Variants in EIF4E3 observed in about 807,000 individuals in gnomAD.
The protein encoded by EIF4E3 is eukaryotic translation initiation factor 4E family member 3.
Under a neutral mutation model 31.7 loss-of-function variants are expected in EIF4E3, and 26 were observed. The observed-to-expected ratio is 0.82, with a 90% CI of 0.60 to 1.14. The LOEUF is 1.14. EIF4E3 is among the 50% of genes most tolerant of loss of function. The pLI is 0.00. For synonymous variants in EIF4E3, 128 were observed against 107.7 expected, an observed-to-expected ratio of 1.19 and a Z score of -1.17; for missense variants, 304 against 270.9, an observed-to-expected ratio of 1.12 and a Z score of -0.86.
downstream of EIF4E3, among the ~76,000 whole-genome samples, chr3:71,674,356 C>T (rs1315358552): frequency 6.6e-6 from 1 of 152,000 alleles, no homozygotes; most frequent in Non-Finnish European, 1.5e-5. Context: ...ATCCACCCAG[C>T]TCAGCCTCCC....
intron 1 of EIF4E3, among the ~76,000 whole-genome samples, chr3:71,749,186 C>T (rs535959746): frequency 3.9e-5 from 6 of 152,184 alleles, no homozygotes; most frequent in Non-Finnish European, 5.9e-5. Flanking sequence ...GATATTCAGA[C>T]GTTCAGAGCA....
chr3:71,703,177 C>A lies in EIF4E3; in HGVS notation c.250-3469G>T, dbSNP rs769233500. ...AAAAGTTGAACATCATTCATTCAGT[C>A]AACATCTGTGACCATCAGTTGTGAA... On this transcript the variant is annotated intron_variant, in intron 2 of 6. Transcript: ENST00000425534. Among the ~76,000 whole-genome samples the A allele has an allele frequency of 3.0e-4, 45 of 152,276 alleles. No individual in the cohort carries two copies. In the Middle Eastern group the frequency reaches 0.014, roughly 46 times the overall value.
the EIF4E3 span, among the ~76,000 whole-genome samples, chr3:71,669,695 G>A: frequency 6.6e-6 from 1 of 152,010 alleles, no homozygotes; most frequent in Non-Finnish European, 1.5e-5. Context: ...CTCGGTGAAG[G>A]CCTAAACATG....
At chr3:71,670,447 C>T (rs528021043), downstream of EIF4E3, among the ~76,000 whole-genome samples, 13 of 152,276 alleles carry the variant, frequency 8.5e-5, no homozygotes, top group East Asian at 1.9e-3. Context: ...CCACGGCCCT[C>T]GTCTCAGCCC....
the EIF4E3 span, among the ~76,000 whole-genome samples, chr3:71,669,503 C>G: frequency 6.6e-6 from 1 of 152,138 alleles, no homozygotes; most frequent in Non-Finnish European, 1.5e-5. Flanking sequence ...AGTGTTTTGT[C>G]TGCAACATGT....
At chr3:71,730,335 G>A (rs1191702864), upstream of EIF4E3, among the ~76,000 whole-genome samples, 1 of 152,190 alleles carries the variant, frequency 6.6e-6, no homozygotes, top group Non-Finnish European at 1.5e-5. Context: ...CTCATCTAGG[G>A]TACAGATAAC....
intron 2 of EIF4E3, among the ~76,000 whole-genome samples, chr3:71,703,589 A>T: frequency 6.6e-6 from 1 of 152,178 alleles, no homozygotes; most frequent in East Asian, 1.9e-4. Context: ...CACTGATTGG[A>T]GCAACTATGC....
rs142821051 is a variant in EIF4E3, at chr3:71,686,747, T to G, written c.629-2019A>C. On this transcript the variant is annotated intron_variant, in intron 6 of 6. Coordinates refer to ENST00000425534, the MANE Select transcript of EIF4E3 (RefSeq NM_001134651.2). Reference sequence around the variant, plus strand: ...CAGACTATCCAAAGATCTGTGTTACTTCTAGGTGTGAGGGGCAGTCTGGGG... The same window carrying G: ...CAGACTATCCAAAGATCTGTGTTACGTCTAGGTGTGAGGGGCAGTCTGGGG... 3.0e-3 allele frequency among the ~76,000 whole-genome samples: 454 copies of G among 152,266 alleles called. 1 individual carries two copies. Among genetic ancestry groups the G allele is most frequent in the Non-Finnish European group, 3.8e-3 (257 of 68,014 alleles).
At chr3:71,731,526 G>A (rs1260057603) in intron 1 of EIF4E3, among the ~76,000 whole-genome samples, 1 of 152,192 alleles carries the variant, frequency 6.6e-6, no homozygotes, top group Non-Finnish European at 1.5e-5. Flanking sequence ...GTCCAAGTGG[G>A]GAGGGCCAGG....
intron 1 of EIF4E3, among the ~76,000 whole-genome samples, chr3:71,747,639 A>G (rs2108161400): frequency 6.6e-6 from 1 of 152,072 alleles, no homozygotes; most frequent in African/African-American, 2.4e-5. Context: ...CAATTTATGT[A>G]TTTTTTTCTT....
intron 1 of EIF4E3, among the ~76,000 whole-genome samples, chr3:71,713,057 A>C (rs1289949186): frequency 6.6e-6 from 1 of 152,184 alleles, no homozygotes; most frequent in Non-Finnish European, 1.5e-5. Context: ...AGAATAAAAT[A>C]ACAACTAGGA....
Position 71,678,856 on chromosome 3 carries a change from T to C in EIF4E3, c.*5826A>G, listed in dbSNP as rs1193703240. The C allele has an allele frequency of 1.3e-5, 2 of 152,228 alleles. No individual in the cohort carries two copies. Among genetic ancestry groups the C allele is most frequent in the Non-Finnish European group, 2.9e-5 (2 of 68,038 alleles). The allele number at this position is 152,228 out of a possible 1,614,324, so 9.4% of individuals were successfully genotyped here. ...AAGATTTTAAATTTGGGACAAATAA[T>C]GTTAGCTGTCTCAAGCTAAAGTATG... On this transcript the variant is annotated 3_prime_UTR_variant, in exon 7 of 7. Transcript: ENST00000425534.
the EIF4E3 span, among the ~76,000 whole-genome samples, chr3:71,669,144 G>C: frequency 6.7e-6 from 1 of 148,836 alleles, no homozygotes; most frequent in Non-Finnish European, 1.5e-5. Context: ...ACTAACACAG[G>C]AACAGAAAAC....
intron 1 of EIF4E3, among the ~76,000 whole-genome samples, chr3:71,733,421 T>C (rs2108138893): frequency 6.6e-6 from 1 of 152,378 alleles, no homozygotes; most frequent in South Asian, 2.1e-4. Flanking sequence ...GGGGAACATT[T>C]TGTAAGCCAG....
intron 2 of EIF4E3, among the ~76,000 whole-genome samples, chr3:71,709,476 C>T (rs2049343764): frequency 6.6e-6 from 1 of 152,136 alleles, no homozygotes; most frequent in Non-Finnish European, 1.5e-5. Flanking sequence ...AAATCCTGGG[C>T]TCAAGTGATC....
intron 2 of EIF4E3, among the ~76,000 whole-genome samples, chr3:71,703,902 T>C (rs994939649): frequency 3.5e-4 from 50 of 144,794 alleles, no homozygotes; most frequent in African/African-American, 1.2e-3. Context: ...ACAAAACAAA[T>C]ATTTTTGCTC....
chr3:71,700,018 C>G (rs1405427060), intron 2 of EIF4E3, among the ~76,000 whole-genome samples: 1 of 151,922 alleles, frequency 6.6e-6, no homozygotes, highest in Non-Finnish European at 1.5e-5. Context: ...ACAAAAAATA[C>G]AAAAAATTAG....
rs187855564 is a variant in EIF4E3, at chr3:71,689,965, T to C, written c.628+45A>G. On this transcript the variant is annotated intron_variant, in intron 6 of 6. Transcript: ENST00000425534. ...AAAACAGTTTCTATCTTTAAAAGTA[T>C]GATAGAGTAAGCTAGAAAGTAATAA... 1.1e-5 allele frequency: 16 copies of C among 1,504,784 alleles called. No individual in the cohort carries two copies. The East Asian group carries it at 3.1e-4, about 30-fold the overall frequency. The allele number at this position is 1,504,784 out of a possible 1,614,324, so 93.2% of individuals were successfully genotyped here.
chr3:71,673,458 T>C (rs1379376774), downstream of EIF4E3, among the ~76,000 whole-genome samples: 1 of 152,082 alleles, frequency 6.6e-6, no homozygotes, highest in African/African-American at 2.4e-5. Flanking sequence ...CTGAATTCAG[T>C]GTCTAAGCTA....
Sources: allele counts gnomAD v4.1 joint callset (sites outside exome capture counted in the v4.1 genomes callset), GRCh38; gene constraint gnomAD v4.1.1; transcripts MANE v1.5; gene names NCBI Gene and HGNC (gene_info 2026-07-23, HGNC 2026-07-21).